SPON1: variants seen among roughly 807,000 people sequenced by gnomAD.
SPON1 encodes spondin 1, also known as spondin-1.
In SPON1, 52 loss-of-function variants were observed where a neutral mutation model predicts 111.7. That is an observed-to-expected ratio of 0.47 (90% CI 0.37 to 0.59). SPON1 has a LOEUF of 0.59. SPON1 is among the 20% of genes least tolerant of loss of function. SPON1 has a pLI of 0.00. For synonymous variants in SPON1, 410 were observed against 395.8 expected (o/e 1.04, Z -0.43); for missense variants, 957 against 1,068.5 (o/e 0.90, Z 1.46).
chr11:14,256,760 TA>T, intron 10 of SPON1, 68 bp downstream of exon 10: 3 of 1,197,726 alleles, frequency 2.5e-6, no homozygotes, highest in Non-Finnish European at 3.7e-6. Context: ...AGCAATTTGC[TA>T]ACCTGTTTTA....
intron 2 of SPON1, among the ~76,000 whole-genome samples, chr11:13,993,270 A>AG (rs1204646555): frequency 1.3e-5 from 2 of 151,814 alleles, no homozygotes; most frequent in Admixed American, 6.6e-5. Context: ...GCCGAGGAGA[A>AG]GGGGGTGGGG....
chr11:14,187,698 T>A (rs1268041393), intron 6 of SPON1, among the ~76,000 whole-genome samples: 2 of 152,144 alleles, frequency 1.3e-5, no homozygotes, highest in African/African-American at 2.4e-5. Context: ...CACTGCAACC[T>A]CCACCTCCCA....
intron 6 of SPON1, among the ~76,000 whole-genome samples, chr11:14,161,205 ATATT>A (rs1554931244): frequency 1.5e-5 from 2 of 129,206 alleles, no homozygotes; most frequent in African/African-American, 6.1e-5. Context: ...ATATATTTAT[ATATT>A]TATATATATC....
chr11:14,173,059 G>A (rs1397203339), intron 6 of SPON1, among the ~76,000 whole-genome samples: 2 of 151,910 alleles, frequency 1.3e-5, no homozygotes, highest in Non-Finnish European at 2.9e-5. Context: ...GATTGGGGAA[G>A]TTCTCCTGGA....
chr11:14,083,951 T>C (rs6486166), intron 5 of SPON1, among the ~76,000 whole-genome samples: 103,830 of 152,036 alleles, frequency 0.68, 36,518 homozygotes, highest in East Asian at 0.85. Flanking sequence ...AAGCGGCTAG[T>C]CCAGCTTGCA....
chr11:14,226,762 A>G (rs1320103123), intron 6 of SPON1, among the ~76,000 whole-genome samples: 1 of 152,142 alleles, frequency 6.6e-6, no homozygotes, highest in Admixed American at 6.5e-5. Flanking sequence ...GGTAACACAA[A>G]TTGGTTCTCT....
chr11:14,133,441 G>A (rs1336862601), intron 5 of SPON1, among the ~76,000 whole-genome samples: 3 of 152,214 alleles, frequency 2.0e-5, no homozygotes, highest in Non-Finnish European at 4.4e-5. Context: ...GTTGGCTTGT[G>A]GTGGTCTTGA....
rs770519577 is a variant in SPON1 at position 14,204,842 on chromosome 11, C to A, written c.826-38490C>A. 4.1e-4 allele frequency among the ~76,000 whole-genome samples: 62 copies of A among 151,932 alleles called. 1 individual carries two copies. The highest frequency in any genetic ancestry group is 3.4e-4 in the Non-Finnish European group (23 of 67,970). On this transcript the variant is annotated intron_variant, in intron 6 of 15. Coordinates refer to ENST00000576479, the MANE Select transcript of SPON1 (RefSeq NM_006108.4). ...TGGGATTACAGGTGCCCGCCACCACCCCCGGCTAATTTTTTTTGTATTTTT... is the reference window on the plus strand; with the variant it reads ...TGGGATTACAGGTGCCCGCCACCACACCCGGCTAATTTTTTTTGTATTTTT...
intron 6 of SPON1, among the ~76,000 whole-genome samples, chr11:14,204,891 G>A (rs1452253122): frequency 1.3e-5 from 2 of 151,344 alleles, no homozygotes; most frequent in South Asian, 4.2e-4. Flanking sequence ...GTTTCACCGT[G>A]TTAGCCAGGA....
At chr11:14,056,184 G>A (rs988883221) in intron 3 of SPON1, among the ~76,000 whole-genome samples, 9 of 152,154 alleles carry the variant, frequency 5.9e-5, no homozygotes, top group African/African-American at 1.4e-4. Context: ...TTAATAGTAT[G>A]TACCTACCTC....
At chr11:14,148,474 TA>T (rs36081017) in intron 6 of SPON1, among the ~76,000 whole-genome samples, 6 of 150,894 alleles carry the variant, frequency 4.0e-5, no homozygotes, top group Admixed American at 1.3e-4. Context: ...ATAGTTGAAA[TA>T]AAAAAAAATA....
At chr11:14,038,402 G>A (rs1330912891) in intron 2 of SPON1, among the ~76,000 whole-genome samples, 2 of 152,078 alleles carry the variant, frequency 1.3e-5, no homozygotes, top group African/African-American at 4.8e-5. Flanking sequence ...GTGGGAGGCA[G>A]AGGTTATAGT....
At chr11:13,966,005 GCTGT>G (rs1848013170) in intron 1 of SPON1, among the ~76,000 whole-genome samples, 1 of 152,154 alleles carries the variant, frequency 6.6e-6, no homozygotes, top group African/African-American at 2.4e-5. Flanking sequence ...CTTTGTGCCT[GCTGT>G]CTAAGTACAG....
intron 6 of SPON1, among the ~76,000 whole-genome samples, chr11:14,180,347 T>C (rs553465030): frequency 6.6e-6 from 1 of 152,376 alleles, no homozygotes; most frequent in South Asian, 2.1e-4. Flanking sequence ...CATGCCTCCG[T>C]ATTTCCTGCA....
intron 2 of SPON1, among the ~76,000 whole-genome samples, chr11:14,001,351 TCTCCTCCAG>T (rs1228871374): frequency 6.6e-6 from 1 of 152,068 alleles, no homozygotes; most frequent in African/African-American, 2.4e-5. Flanking sequence ...ATCAGAGAAA[TCTCCTCCAG>T]CTTGAGGCAT....
chr11:14,005,143 A>G (rs962426165), intron 2 of SPON1, among the ~76,000 whole-genome samples: 4 of 152,204 alleles, frequency 2.6e-5, no homozygotes, highest in Non-Finnish European at 5.9e-5. Flanking sequence ...CAAAAAAATT[A>G]TTACAAAGGC....
intron 1 of SPON1, among the ~76,000 whole-genome samples, chr11:13,970,624 C>T (rs1528656): frequency 0.21 from 31,467 of 152,058 alleles, 3,304 homozygotes; most frequent in Admixed American, 0.24. Context: ...GTCCTCCCCC[C>T]AACTCCTGCC....
chr11:14,194,234 A>G (rs1848377104), intron 6 of SPON1, among the ~76,000 whole-genome samples: 1 of 152,168 alleles, frequency 6.6e-6, no homozygotes, highest in African/African-American at 2.4e-5. Flanking sequence ...GCGAGAGTCA[A>G]TATTTAGGGT....
At chr11:14,232,899 G>C (rs1436486866) in intron 6 of SPON1, among the ~76,000 whole-genome samples, 3 of 152,132 alleles carry the variant, frequency 2.0e-5, no homozygotes, top group Non-Finnish European at 1.5e-5. Flanking sequence ...CATGGCAGGG[G>C]GGGCAGTAGG....
Sources: allele counts gnomAD v4.1 joint callset (sites outside exome capture counted in the v4.1 genomes callset), GRCh38; gene constraint gnomAD v4.1.1; transcripts MANE v1.5; gene names NCBI Gene and HGNC (gene_info 2026-07-23, HGNC 2026-07-21).